COPB2: variants seen among roughly 807,000 people sequenced by gnomAD.
COPB2 encodes the protein coatomer subunit beta'.
COPB2 carries 16 observed loss-of-function variants against 120.8 expected under a neutral mutation model. That is an observed-to-expected ratio of 0.13 (90% confidence interval 0.09 to 0.20). The LOEUF (loss-of-function observed/expected upper bound fraction) is 0.20. COPB2 is among the 10% of genes least tolerant of loss of function. The probability of loss-of-function intolerance (pLI) is 1.00; values close to 1 mark genes in which losing one functional copy is unlikely to be tolerated. For missense variants in COPB2, 794 were observed against 1,076.5 expected (o/e 0.74, Z 3.67); for synonymous variants, 332 against 366.3 (o/e 0.91, Z 1.07).
chr3:139,358,648 T>G, intron 20 of COPB2, 96 bp downstream of exon 20: 2 of 878,382 alleles, frequency 2.3e-6, no homozygotes, highest in East Asian at 4.9e-5. Context: ...GCCACTGCAC[T>G]CCAGCCAGGG....
Position 139,379,098 on chromosome 3 carries a change from T to G in COPB2, c.304A>C (p.Ile102Leu). 6.2e-7 allele frequency: 1 copy of G among 1,612,894 alleles called. No homozygotes were observed. The highest frequency in any genetic ancestry group is 8.5e-7 in the Non-Finnish European group (1 of 1,179,676). Residue 102 changes from isoleucine (I) to leucine (L), a missense_variant, in exon 4 of 22, where the codon ATT (isoleucine) becomes CTT (leucine). Around this residue, in one of 3 missense-constraint regions of COPB2, gnomAD observed 610 missense variants for 866.7 expected, o/e 0.70. Coordinates refer to ENST00000333188, the MANE Select transcript of COPB2 (RefSeq NM_004766.3). ...VHMFEAHSDYIRCIAVHPTQP... is the reference protein window; with the variant it reads ...VHMFEAHSDYLRCIAVHPTQP... ...GTTGGATGAACAGCAATACAGCGAATGTAGTCTGAGTGTGCTTCAAACATA... is the reference window on the plus strand; with the variant it reads ...GTTGGATGAACAGCAATACAGCGAAGGTAGTCTGAGTGTGCTTCAAACATA...
At chr3:139,362,383 G>A in intron 16 of COPB2, 24 bp downstream of exon 16, 2 of 1,535,464 alleles carry the variant, frequency 1.3e-6, no homozygotes, top group Non-Finnish European at 1.8e-6. Flanking sequence ...CATCAGTTAT[G>A]AAAAATCATG....
chr3:139,361,445 G>A, intron 16 of COPB2, 150 bp from the exon 17 acceptor site: 1 of 681,030 alleles, frequency 1.5e-6, no homozygotes, highest in Admixed American at 3.0e-5. Context: ...ATTGCAAAAT[G>A]TACAGTGAGG....
At chr3:139,367,237 T>A (rs1171592857) in intron 13 of COPB2, 92 bp from the exon 14 acceptor site, 84 of 1,378,206 alleles carry the variant, frequency 6.1e-5, no homozygotes, top group Non-Finnish European at 7.5e-5. Flanking sequence ...TATGGCAGAA[T>A]AAGGAATGCA....
Position 139,389,573 on chromosome 3 carries a change from G to A in COPB2, c.-23C>T. On this transcript the variant is annotated 5_prime_UTR_variant, in exon 1 of 22. Transcript: ENST00000333188. Reference sequence around the variant, plus strand: ...CATGGCTGCGTCGGTCCAATCCCGGGAACCCTCGTTTGTTACCGGCTACTC... The same window carrying A: ...CATGGCTGCGTCGGTCCAATCCCGGAAACCCTCGTTTGTTACCGGCTACTC... The A allele has an allele frequency of 1.9e-6, 3 of 1,572,134 alleles. No homozygotes were observed. Among genetic ancestry groups the A allele is most frequent in the Non-Finnish European group, 2.6e-6 (3 of 1,151,348 alleles).
chr3:139,370,534 G>C (rs1291034061), intron 10 of COPB2, among the ~76,000 whole-genome samples: 1 of 152,156 alleles, frequency 6.6e-6, no homozygotes, highest in Non-Finnish European at 1.5e-5. Context: ...GGTACATTCT[G>C]TCTTCTGTAA....
intron 12 of COPB2, among the ~76,000 whole-genome samples, chr3:139,368,960 C>T (rs1576372857): frequency 6.6e-6 from 1 of 152,138 alleles, no homozygotes. Flanking sequence ...AAGGCATTTC[C>T]AAGTCAAGAA....
In COPB2 at chr3:139,383,414, T is replaced by C; in HGVS notation, c.25A>G (p.Arg9Gly). Residue 9 changes from arginine to glycine, a missense_variant, in exon 2 of 22, where the codon AGA becomes GGA. Arg to Gly is a moderately radical substitution (Grantham distance 125). Coordinates refer to ENST00000333188, the MANE Select transcript of COPB2 (RefSeq NM_004766.3). The part of the protein sequence containing the change: MPLRLDIK[R>G]KLTARSDRVK... Reference sequence around the variant, plus strand: ...CGATCAGATCTAGCAGTTAGCTTTCTTTTGATATCAAGTCGCAGAGGCTAA... The same window carrying C: ...CGATCAGATCTAGCAGTTAGCTTTCCTTTGATATCAAGTCGCAGAGGCTAA... The C allele has an allele frequency of 6.4e-7, 1 of 1,567,582 alleles. No individual in the cohort carries two copies. The highest frequency in any genetic ancestry group is 8.6e-7 in the Non-Finnish European group (1 of 1,158,300).
chr3:139,368,152 G>A lies in COPB2; in HGVS notation c.1538C>T (p.Ala513Val). The A allele has an allele frequency of 1.9e-6, 3 of 1,612,406 alleles. No homozygotes were observed. Among genetic ancestry groups the A allele is most frequent in the Non-Finnish European group, 2.5e-6 (3 of 1,179,314 alleles). ...EGVTEDGIEDAFEVLGEIQEI... is the reference protein window; with the variant it reads ...EGVTEDGIEDVFEVLGEIQEI... ...TTGTGCTGATGCAATTACCTCAAAG[G>A]CATCTTCAATGCCATCTTCAGTAAC... is the stretch of plus-strand genomic sequence containing the variant. Residue 513 changes from alanine (A) to valine (V), a missense_variant, in exon 13 of 22, where the codon GCC becomes GTC. Transcript: ENST00000333188.
At chr3:139,370,934 T>TA (rs1380390121) in intron 10 of COPB2, among the ~76,000 whole-genome samples, 1 of 152,206 alleles carries the variant, frequency 6.6e-6, no homozygotes. Flanking sequence ...CAATAAATCT[T>TA]ACTGTTGTAA....
chr3:139,388,895 G>C (rs1941990958), intron 1 of COPB2, among the ~76,000 whole-genome samples: 1 of 151,732 alleles, frequency 6.6e-6, no homozygotes, highest in African/African-American at 2.4e-5. Flanking sequence ...ACTAGTCTAG[G>C]GCGTTTTTTA....
intron 7 of COPB2, chr3:139,374,093 C>T (rs1004340697): frequency 1.3e-5 from 6 of 448,890 alleles, no homozygotes; most frequent in South Asian, 3.1e-5. Context: ...TTTCTACCCA[C>T]AATTTCTTCT....
At chr3:139,383,465 G>C in intron 1 of COPB2, 30 bp from the exon 2 acceptor site, 1 of 1,501,740 alleles carries the variant, frequency 6.7e-7, no homozygotes, top group Non-Finnish European at 8.9e-7. Context: ...AAATTAAATT[G>C]CTAAGCCAAA....
In COPB2 at chr3:139,361,999, C is replaced by A. The variant is rs111312623; in HGVS notation, c.1995+408G>T. 4.4e-3 allele frequency among the ~76,000 whole-genome samples: 666 copies of A among 152,318 alleles called. 1 individual carries two copies. Among genetic ancestry groups the A allele is most frequent in the African/African-American group, 0.014 (579 of 41,566 alleles). ...TTCTCTGACTGCCTGCTCTATTCAA[C>A]ACCAAAAGATGAGGGGGTTGGGCTG... On this transcript the variant is annotated intron_variant, in intron 16 of 21. Coordinates refer to ENST00000333188, the MANE Select transcript of COPB2 (RefSeq NM_004766.3).
At chr3:139,361,322 A>G (rs1316202921) in intron 16 of COPB2, 27 bp from the exon 17 acceptor site, 2 of 1,594,464 alleles carry the variant, frequency 1.3e-6, no homozygotes, top group South Asian at 2.2e-5. Flanking sequence ...TCCAAGTTAA[A>G]ATATCTTTAG....
intron 17 of COPB2, among the ~76,000 whole-genome samples, chr3:139,359,928 A>G (rs114312469): frequency 6.6e-6 from 1 of 152,332 alleles, no homozygotes; most frequent in African/African-American, 2.4e-5. Context: ...AAAAGCCACA[A>G]ACATTAATAC....
At chr3:139,386,008 AAAG>A (rs1253434300) in intron 1 of COPB2, among the ~76,000 whole-genome samples, 3 of 152,216 alleles carry the variant, frequency 2.0e-5, no homozygotes, top group Non-Finnish European at 4.4e-5. Flanking sequence ...TTGAATATAA[AAAG>A]AAGATCTAGC....
At chr3:139,389,228 C>T (rs769539879) in intron 1 of COPB2, among the ~76,000 whole-genome samples, 1 of 152,254 alleles carries the variant, frequency 6.6e-6, no homozygotes, top group Non-Finnish European at 1.5e-5. Flanking sequence ...AAGCCTCCTA[C>T]GGAGTTCAAC....
chr3:139,379,496 G>A (rs1941770116), intron 2 of COPB2, 30 bp from the exon 3 acceptor site: 6 of 1,573,714 alleles, frequency 3.8e-6, no homozygotes, highest in Non-Finnish European at 4.4e-6. Context: ...TACACAAATT[G>A]AGCTATAAGA....
Sources: allele counts gnomAD v4.1 joint callset (sites outside exome capture counted in the v4.1 genomes callset), GRCh38; gene constraint gnomAD v4.1.1; regional missense constraint gnomAD v4.1.1; transcripts MANE v1.5; gene names NCBI Gene and HGNC (gene_info 2026-07-23, HGNC 2026-07-21).